The following SMYD2 variants were observed in gnomAD, a reference collection of about 807,000 sequenced individuals.
SMYD2 encodes the protein N-lysine methyltransferase SMYD2.
A neutral mutation model predicts 59.1 loss-of-function variants in SMYD2; 53 were observed. The ratio of observed to expected loss-of-function variants is 0.90; its 90% confidence interval spans 0.72 to 1.13. The LOEUF (loss-of-function observed/expected upper bound fraction) is 1.13. SMYD2 is among the 50% of genes most tolerant of loss of function. The probability of loss-of-function intolerance (pLI) is 0.00; values close to 1 mark genes in which losing one functional copy is unlikely to be tolerated. For missense variants in SMYD2, 494 were observed against 544.7 expected, an observed-to-expected ratio of 0.91 and a Z score of 0.93; for synonymous variants, 208 against 198.8, an observed-to-expected ratio of 1.05 and a Z score of -0.39.
At position 214,331,886 on chromosome 1, in the gene SMYD2, T is replaced by C. The variant is rs544772782; in HGVS notation, c.938-132T>C. 7.7e-5 allele frequency: 60 copies of C among 780,564 alleles called. No individual in the cohort carries two copies. In the African/African-American group the frequency reaches 9.8e-4, roughly 13 times the overall value. 48.4% of individuals were successfully genotyped at this position (780,564 alleles called of 1,614,324 possible). ...GAAATGTAATTCCTTTCACTTTTGCTTGGCTTTCTGTAAGTTACTTTTTCA... is the reference window on the plus strand; with the variant it reads ...GAAATGTAATTCCTTTCACTTTTGCCTGGCTTTCTGTAAGTTACTTTTTCA... On this transcript the variant is annotated intron_variant, in intron 9 of 11. Coordinates refer to ENST00000366957, the MANE Select transcript of SMYD2 (RefSeq NM_020197.3).
intron 5 of SMYD2, among the ~76,000 whole-genome samples, chr1:214,321,532 C>T (rs184717476): frequency 4.6e-5 from 7 of 152,328 alleles, no homozygotes; most frequent in South Asian, 4.1e-4. Flanking sequence ...CCAGCAGCTA[C>T]GTGTCTGCTG....
intron 1 of SMYD2, among the ~76,000 whole-genome samples, chr1:214,288,810 CT>C (rs1401337675): frequency 6.6e-6 from 1 of 151,896 alleles, no homozygotes; most frequent in Non-Finnish European, 1.5e-5. Flanking sequence ...GGCTTTGGTC[CT>C]TTTGTAGGCT....
chr1:214,293,315 A>G (rs1207026909), intron 1 of SMYD2, among the ~76,000 whole-genome samples: 1 of 152,094 alleles, frequency 6.6e-6, no homozygotes, highest in Admixed American at 6.5e-5. Context: ...TGGCCTCTCA[A>G]AGTGCTGGGA....
intron 7 of SMYD2, among the ~76,000 whole-genome samples, chr1:214,329,599 C>T (rs544405141): frequency 6.6e-6 from 1 of 152,204 alleles, no homozygotes; most frequent in South Asian, 2.1e-4. Context: ...CAGGCCGCAG[C>T]ATTCTGGTGT....
At chr1:214,306,504 C>T (rs1656917454) in intron 2 of SMYD2, among the ~76,000 whole-genome samples, 1 of 152,198 alleles carries the variant, frequency 6.6e-6, no homozygotes, top group African/African-American at 2.4e-5. Flanking sequence ...TTTCCCACAG[C>T]AGGCTCCCGG....
intron 7 of SMYD2, among the ~76,000 whole-genome samples, chr1:214,329,382 CAG>C (rs1657314275): frequency 6.6e-6 from 1 of 152,146 alleles, no homozygotes; most frequent in Non-Finnish European, 1.5e-5. Flanking sequence ...TCTGTTCAGT[CAG>C]ACATTTGCCT....
At chr1:214,295,325 G>A (rs1239220594) in intron 1 of SMYD2, among the ~76,000 whole-genome samples, 2 of 152,184 alleles carry the variant, frequency 1.3e-5, no homozygotes, top group Admixed American at 6.5e-5. Context: ...TTGTCCAGGG[G>A]CTGAAAAGGA....
At chr1:214,296,380 T>C (rs1656727656) in intron 1 of SMYD2, among the ~76,000 whole-genome samples, 1 of 152,236 alleles carries the variant, frequency 6.6e-6, no homozygotes, top group Non-Finnish European at 1.5e-5. Flanking sequence ...ACATTTCTTT[T>C]CTTCCTTTGT....
Position 214,305,217 on chromosome 1 carries a change from C to T in SMYD2, c.204C>T (p.Cys68=). The T allele has an allele frequency of 6.2e-7, 1 of 1,614,208 alleles. No individual in the cohort carries two copies. The highest frequency in any genetic ancestry group is 8.5e-7 in the Non-Finnish European group (1 of 1,180,034). The part of the protein sequence containing the change: ...RKEGLSKCGR[C]KQAFYCNVEC... Reference sequence around the variant, plus strand: ...AAGGATTGTCCAAATGTGGAAGATGCAAGCAGGCATTTTACTGCAATGTGG... The same window carrying T: ...AAGGATTGTCCAAATGTGGAAGATGTAAGCAGGCATTTTACTGCAATGTGG... Residue 68 remains cysteine, a synonymous_variant, in exon 2 of 12, where the codon TGC becomes TGT. Coordinates refer to ENST00000366957, the MANE Select transcript of SMYD2 (RefSeq NM_020197.3).
intron 8 of SMYD2, among the ~76,000 whole-genome samples, chr1:214,330,641 C>A (rs1275114860): frequency 6.6e-6 from 1 of 152,202 alleles, no homozygotes; most frequent in Non-Finnish European, 1.5e-5. Context: ...CCAAATTGTT[C>A]CGTCAATGCC....
chr1:214,287,972 C>G (rs768182532), intron 1 of SMYD2, among the ~76,000 whole-genome samples: 13 of 152,182 alleles, frequency 8.5e-5, no homozygotes, highest in Non-Finnish European at 1.6e-4. Context: ...CGTTATTTTT[C>G]ATATGCGGGG....
chr1:214,324,246 C>A (rs748891856), intron 5 of SMYD2, among the ~76,000 whole-genome samples: 5 of 152,168 alleles, frequency 3.3e-5, no homozygotes, highest in Non-Finnish European at 7.4e-5. Context: ...CAGATTGATT[C>A]TTTTCTTTAA....
intron 10 of SMYD2, 117 bp from the exon 11 acceptor site, chr1:214,334,082 GC>G: frequency 1.2e-6 from 1 of 803,510 alleles, no homozygotes; most frequent in Non-Finnish European, 2.1e-6. Flanking sequence ...ATTTGGAGAG[GC>G]CGCTGGTGGG....
intron 2 of SMYD2, among the ~76,000 whole-genome samples, chr1:214,308,549 C>T (rs780163595): frequency 7.2e-5 from 11 of 152,094 alleles, no homozygotes; most frequent in East Asian, 1.9e-4. Context: ...AAGGATAAAA[C>T]GTGGCACAAA....
Position 214,330,171 on chromosome 1 carries a change from T to C in SMYD2, c.709T>C (p.Phe237Leu), listed in dbSNP as rs200797676. The change falls in exon 8 of 12, where the codon TTT (phenylalanine) becomes CTT (leucine). Residue 237 changes from phenylalanine to leucine, a missense_variant. By Grantham distance (22) the Phe-to-Leu change is conservative. Transcript: ENST00000366957. ...TTTATCTTTTTGGACCCCGTAGGTT[T>C]TTACCAGCTATATTGATCTCCTGTA... ...VQEIKPGEEV[F>L]TSYIDLLYPT... is the part of the protein sequence containing the mutation. 15 of 1,602,610 alleles carry C rather than the reference T, an allele frequency of 9.4e-6. No homozygotes were observed. Among genetic ancestry groups the C allele is most frequent in the Non-Finnish European group, 8.5e-6 (10 of 1,173,054 alleles).
At chr1:214,328,092 T>C (rs1189703315) in intron 7 of SMYD2, among the ~76,000 whole-genome samples, 1 of 152,226 alleles carries the variant, frequency 6.6e-6, no homozygotes, top group Non-Finnish European at 1.5e-5. Context: ...TGTATCCCTA[T>C]TGCCAAACAA....
chr1:214,305,734 C>T (rs1314260490), intron 2 of SMYD2, among the ~76,000 whole-genome samples: 2 of 152,006 alleles, frequency 1.3e-5, no homozygotes, highest in African/African-American at 4.8e-5. Flanking sequence ...ATTCTGAACT[C>T]GTAATTGGGG....
At chr1:214,330,886 G>A in intron 8 of SMYD2, 64 bp from the exon 9 acceptor site, 1 of 1,610,198 alleles carries the variant, frequency 6.2e-7, no homozygotes, top group Non-Finnish European at 8.5e-7. Context: ...TTATATGAGA[G>A]GTTTCCCTAT....
intron 5 of SMYD2, among the ~76,000 whole-genome samples, chr1:214,319,302 A>C (rs1029141966): frequency 1.3e-5 from 2 of 152,180 alleles, no homozygotes; most frequent in Non-Finnish European, 2.9e-5. Context: ...TTGCAAAGAA[A>C]AGACCATTTG....
Sources: allele counts gnomAD v4.1 joint callset (sites outside exome capture counted in the v4.1 genomes callset), GRCh38; gene constraint gnomAD v4.1.1; transcripts MANE v1.5; gene names NCBI Gene and HGNC (gene_info 2026-07-23, HGNC 2026-07-21).